The following BLM variants were observed in gnomAD, a reference collection of about 807,000 sequenced individuals.
BLM encodes BLM RecQ like helicase, also known as recQ-like DNA helicase BLM.
Under a neutral mutation model 135.3 loss-of-function variants are expected in BLM, and 95 were observed. That is an observed-to-expected ratio of 0.70 (90% CI 0.59 to 0.83). The LOEUF is 0.83. BLM is among the 40% of genes least tolerant of loss of function. The pLI, the probability that BLM is intolerant of heterozygous loss-of-function variation, is 0.00. For synonymous variants in BLM, 520 were observed against 589.2 expected (o/e 0.88, Z 1.70); for missense variants, 1,518 against 1,663.9 (o/e 0.91, Z 1.53).
chr15:90,774,471 T>A (rs1289981131), intron 12 of BLM, among the ~76,000 whole-genome samples: 1 of 152,076 alleles, frequency 6.6e-6, no homozygotes, highest in Non-Finnish European at 1.5e-5. Context: ...TACAGCTATA[T>A]GAAGTGGTAG....
intron 19 of BLM, chr15:90,808,824 A>C (rs1158625237): frequency 2.2e-6 from 1 of 447,424 alleles, no homozygotes; most frequent in Non-Finnish European, 4.2e-6. Flanking sequence ...CCATGGGAAC[A>C]GTGGGCAAGA....
rs1186216476 is a variant in BLM at position 90,754,958 on chromosome 15, C to G, written c.1087+20C>G. ...GTGACGGTACAAGCAATATTTTAGA[C>G]ATACCATGTATTTCAACTACTTACT... On this transcript the variant is annotated intron_variant, in intron 5 of 21. Transcript: ENST00000355112. 1 of 1,612,998 alleles carries G rather than the reference C, an allele frequency of 6.2e-7. No individual in the cohort carries two copies. Among genetic ancestry groups the G allele is most frequent in the Non-Finnish European group, 8.5e-7 (1 of 1,179,678 alleles).
intron 2 of BLM, 88 bp downstream of exon 2, chr15:90,747,578 G>A: frequency 1.2e-6 from 1 of 833,788 alleles, no homozygotes; most frequent in Non-Finnish European, 2.0e-6. Context: ...CTCCCCCATT[G>A]TACAGATGAG....
At chr15:90,787,859 G>A (rs1338170298) in intron 14 of BLM, among the ~76,000 whole-genome samples, 1 of 151,904 alleles carries the variant, frequency 6.6e-6, no homozygotes, top group Non-Finnish European at 1.5e-5. Flanking sequence ...CTGAGGCAGG[G>A]GAATCACTTG....
At chr15:90,781,274 C>G (rs1432540344) in intron 12 of BLM, among the ~76,000 whole-genome samples, 1 of 152,164 alleles carries the variant, frequency 6.6e-6, no homozygotes, top group Non-Finnish European at 1.5e-5. Context: ...GGTGTCCAAT[C>G]TTTTGGCTTC....
chr15:90,784,846 T>A (rs1285461718), intron 13 of BLM, 75 bp from the exon 14 acceptor site: 3 of 1,478,618 alleles, frequency 2.0e-6, no homozygotes, highest in Non-Finnish European at 2.8e-6. Context: ...CATATATTTC[T>A]GAAAATGTAG....
At chr15:90,723,229 G>C (rs539795631) in intron 1 of BLM, among the ~76,000 whole-genome samples, 10 of 151,828 alleles carry the variant, frequency 6.6e-5, no homozygotes, top group Non-Finnish European at 8.8e-5. Flanking sequence ...GCTCAGTTTT[G>C]CCTGGTTTTG....
intron 16 of BLM, among the ~76,000 whole-genome samples, chr15:90,795,459 A>G (rs1191863343): frequency 1.3e-5 from 2 of 152,116 alleles, no homozygotes; most frequent in African/African-American, 2.4e-5. Context: ...CAGCCTGGGC[A>G]ACAAGAGCGA....
At chr15:90,788,986 T>A (rs1355734964) in intron 14 of BLM, among the ~76,000 whole-genome samples, 95 of 136,962 alleles carry the variant, frequency 6.9e-4, no homozygotes, top group African/African-American at 2.5e-3. Context: ...AAAAAAAAAA[T>A]GATTTTTTTC....
chr15:90,725,530 G>T (rs1230128794), intron 1 of BLM, among the ~76,000 whole-genome samples: 35 of 142,760 alleles, frequency 2.5e-4, no homozygotes, highest in African/African-American at 8.9e-4. Flanking sequence ...GTCTCACTCT[G>T]TTGCCCAGGC....
chr15:90,784,305 A>C (rs945696822), intron 13 of BLM, among the ~76,000 whole-genome samples: 1 of 147,774 alleles, frequency 6.8e-6, no homozygotes, highest in Admixed American at 6.7e-5. Context: ...CTTTTGACAA[A>C]GTTTGTGCAA....
chr15:90,747,017 C>T (rs28384972), intron 1 of BLM, among the ~76,000 whole-genome samples: 208 of 152,138 alleles, frequency 1.4e-3, no homozygotes, highest in African/African-American at 4.6e-3. Flanking sequence ...CCTCCCACCT[C>T]GCTCCCTTCC....
chr15:90,769,527 A>G lies in BLM; in HGVS notation c.2496A>G (p.Thr832=), dbSNP rs762840557. 2 of 1,614,082 alleles carry G rather than the reference A, an allele frequency of 1.2e-6. No homozygotes were observed. Among genetic ancestry groups the G allele is most frequent in the East Asian group, 2.2e-5 (1 of 44,882 alleles). The change falls in exon 12 of 22, where the codon ACA becomes ACG. Residue 832 remains threonine (T), a synonymous_variant. Transcript: ENST00000355112. ...TTCCGGTGATGGCTCTTACGGCCACAGCTAATCCCAGGGTACAGAAGGACA... is the reference window on the plus strand; with the variant it reads ...TTCCGGTGATGGCTCTTACGGCCACGGCTAATCCCAGGGTACAGAAGGACA... ...PSVPVMALTA[T]ANPRVQKDIL... is the part of the protein sequence containing the mutation.
At chr15:90,788,483 T>G (rs1164237303) in intron 14 of BLM, among the ~76,000 whole-genome samples, 4 of 150,338 alleles carry the variant, frequency 2.7e-5, no homozygotes, top group South Asian at 2.1e-4. Flanking sequence ...TTTTTTTTTT[T>G]TTTTTTTTTT....
In BLM at chr15:90,798,195, T is replaced by C. The variant is rs1596263143; in HGVS notation, c.3216T>C (p.Tyr1072=). Residue 1072 remains tyrosine (Y), a synonymous_variant, in exon 17 of 22, where the codon TAT becomes TAC. Transcript: ENST00000355112. ...SCDNCCKTKD[Y]KTRDVTDDVK... ...TATTCTCTTTTTATTCATAGGATTA[T>C]AAAACAAGAGATGTGACTGACGATG... 1 of 1,604,284 alleles carries C rather than the reference T, an allele frequency of 6.2e-7. No individual in the cohort carries two copies. The highest frequency in any genetic ancestry group is 8.5e-7 in the Non-Finnish European group (1 of 1,172,278).
At chr15:90,743,305 C>T (rs960927606) in intron 1 of BLM, among the ~76,000 whole-genome samples, 4 of 152,184 alleles carry the variant, frequency 2.6e-5, no homozygotes, top group Middle Eastern at 3.4e-3. Context: ...TTTGTAATGG[C>T]ATGATAACTT....
chr15:90,808,506 C>G (rs1897329563), intron 19 of BLM, among the ~76,000 whole-genome samples: 1 of 152,214 alleles, frequency 6.6e-6, no homozygotes, highest in Non-Finnish European at 1.5e-5. Flanking sequence ...CTCCCGGATT[C>G]TACTCTTTCC....
Position 90,736,405 on chromosome 15 carries a change from G to T in BLM, c.-4-10984G>T, listed in dbSNP as rs528700275. Among the ~76,000 whole-genome samples the T allele has an allele frequency of 2.0e-5, 3 of 152,084 alleles. No individual in the cohort carries two copies. In the East Asian group the frequency reaches 5.8e-4, roughly 29 times the overall value. On this transcript the variant is annotated intron_variant, in intron 1 of 21. Coordinates refer to ENST00000355112, the MANE Select transcript of BLM (RefSeq NM_000057.4). ...CTCTGGAGTAGCTGGGACCACAAGT[G>T]CATGCCACCACGCCTTACTAATTTA...
chr15:90,748,764 CTTT>C (rs961578747), intron 2 of BLM, among the ~76,000 whole-genome samples: 4 of 142,916 alleles, frequency 2.8e-5, no homozygotes, highest in Admixed American at 1.4e-4. Flanking sequence ...TTTCTTTTTT[CTTT>C]TTTTTTTTTT....
Sources: allele counts gnomAD v4.1 joint callset (sites outside exome capture counted in the v4.1 genomes callset), GRCh38; gene constraint gnomAD v4.1.1; transcripts MANE v1.5; gene names NCBI Gene and HGNC (gene_info 2026-07-23, HGNC 2026-07-21).